Variants in TOX2 observed in about 807,000 individuals in gnomAD.
TOX2 encodes granulosa cell HMG box 1.
Under a neutral mutation model 47.4 loss-of-function variants are expected in TOX2, and 15 were observed. The observed-to-expected ratio is 0.32, with a 90% CI of 0.21 to 0.49. TOX2 has a LOEUF of 0.49. Ranked by LOEUF, TOX2 falls within the 20% of genes least tolerant of loss-of-function variation. The pLI is 0.99. For synonymous variants in TOX2, 290 were observed against 296.6 expected (o/e 0.98, Z 0.23); for missense variants, 622 against 673.1 (o/e 0.92, Z 0.84).
At chr20:43,982,914 A>AATAG (rs374928549) in intron 2 of TOX2, among the ~76,000 whole-genome samples, 30 of 151,760 alleles carry the variant, frequency 2.0e-4, no homozygotes, top group African/African-American at 6.8e-4. Flanking sequence ...AAGGCTGGGA[A>AATAG]ATAGGGTACT....
intron 1 of TOX2, chr20:43,955,407 A>T: frequency 3.0e-6 from 2 of 657,164 alleles, no homozygotes; most frequent in Non-Finnish European, 3.8e-6. Context: ...CTTCTTAGCC[A>T]CCTGGGGTTA....
Position 44,051,155 on chromosome 20 carries a change from TC to T in TOX2, c.412-149del, listed in dbSNP as rs1178268956. The T allele has an allele frequency of 4.9e-6, 6 of 1,234,566 alleles. No individual in the cohort carries two copies. In the Admixed American group the frequency reaches 1.5e-4, roughly 31 times the overall value. The allele number at this position is 1,234,566 out of a possible 1,614,324, so 76.5% of individuals were successfully genotyped here. On this transcript the variant is annotated intron_variant, in intron 3 of 8. Transcript: ENST00000341197. ...TACAGAGGTCCAAGTAGCATGAGGC[TC>T]CATCTTGAGATTCACCTGTCAGGGA...
intron 3 of TOX2, among the ~76,000 whole-genome samples, chr20:44,019,160 A>T (rs1336918116): frequency 1.3e-5 from 2 of 152,178 alleles, no homozygotes; most frequent in Non-Finnish European, 2.9e-5. Flanking sequence ...CTCTGTAAAC[A>T]CCTCAAACAT....
intron 3 of TOX2, among the ~76,000 whole-genome samples, chr20:44,020,686 T>C (rs1011903824): frequency 6.6e-6 from 1 of 152,122 alleles, no homozygotes; most frequent in African/African-American, 2.4e-5. Context: ...TCCCTAGACC[T>C]GGTGACTGGG....
intron 8 of TOX2, 135 bp from the exon 9 acceptor site, chr20:44,068,515 G>C: frequency 2.4e-6 from 2 of 844,638 alleles, no homozygotes; most frequent in African/African-American, 1.9e-5. Context: ...ACTTGCAGAT[G>C]CAAGTCCCTC....
At chr20:44,015,340 AAC>A (rs1233399137) in intron 3 of TOX2, among the ~76,000 whole-genome samples, 1 of 152,196 alleles carries the variant, frequency 6.6e-6, no homozygotes, top group Non-Finnish European at 1.5e-5. Flanking sequence ...TTTATTTTCA[AAC>A]ACTCCTGCAG....
At chr20:44,039,763 C>T (rs1252267724) in intron 3 of TOX2, among the ~76,000 whole-genome samples, 1 of 151,200 alleles carries the variant, frequency 6.6e-6, no homozygotes, top group Non-Finnish European at 1.5e-5. Context: ...AATCGTCCCA[C>T]TGAGGGGAGA....
chr20:43,946,171 G>A, intron 1 of TOX2: 1 of 1,374,920 alleles, frequency 7.3e-7, no homozygotes. Flanking sequence ...GAATGAAGAT[G>A]CTTTAGAGGG....
intron 1 of TOX2, among the ~76,000 whole-genome samples, chr20:43,948,113 T>C (rs1268857724): frequency 6.6e-6 from 1 of 152,186 alleles, no homozygotes; most frequent in Non-Finnish European, 1.5e-5. Flanking sequence ...TTGTTGGTGC[T>C]CAGTAAATAA....
intron 5 of TOX2, among the ~76,000 whole-genome samples, chr20:44,059,145 G>GA (rs2071673721): frequency 6.6e-6 from 1 of 152,140 alleles, no homozygotes; most frequent in African/African-American, 2.4e-5. Context: ...CATATGAATG[G>GA]AAAAATCTCC....
At chr20:44,022,169 C>T (rs2070986439) in intron 3 of TOX2, among the ~76,000 whole-genome samples, 1 of 152,206 alleles carries the variant, frequency 6.6e-6, no homozygotes, top group Non-Finnish European at 1.5e-5. Context: ...TTCTCTGTGC[C>T]CATGGCCCTG....
chr20:44,053,439 T>TATATACAC (rs373458500), intron 4 of TOX2, among the ~76,000 whole-genome samples: 139 of 143,138 alleles, frequency 9.7e-4, no homozygotes, highest in Middle Eastern at 3.6e-3. Context: ...GGCAGATATA[T>TATATACAC]ACACACACAC....
chr20:43,953,617 G>A (rs765944468), intron 1 of TOX2, among the ~76,000 whole-genome samples: 1 of 152,186 alleles, frequency 6.6e-6, no homozygotes, highest in Non-Finnish European at 1.5e-5. Context: ...CTGGGGAAAG[G>A]GCCCTGGCAT....
At chr20:44,022,197 A>C (rs1209303309) in intron 3 of TOX2, among the ~76,000 whole-genome samples, 2 of 152,162 alleles carry the variant, frequency 1.3e-5, no homozygotes, top group Non-Finnish European at 2.9e-5. Context: ...GGGGGTCAGC[A>C]CATTGCCAGA....
At chr20:44,059,491 C>T (rs1478910227) in intron 5 of TOX2, among the ~76,000 whole-genome samples, 1 of 152,138 alleles carries the variant, frequency 6.6e-6, no homozygotes, top group Non-Finnish European at 1.5e-5. Flanking sequence ...GAGATCTAGA[C>T]ATCCAAATAC....
At chr20:44,023,970 C>A (rs958621828) in intron 3 of TOX2, among the ~76,000 whole-genome samples, 1 of 152,226 alleles carries the variant, frequency 6.6e-6, no homozygotes, top group Admixed American at 6.5e-5. Context: ...CTTAGCCCGT[C>A]CCCTCTCTGA....
intron 1 of TOX2, among the ~76,000 whole-genome samples, chr20:43,934,679 C>A: frequency 6.6e-6 from 1 of 152,090 alleles, no homozygotes; most frequent in Admixed American, 6.6e-5. Context: ...GGCTTTGGGG[C>A]AGGCGTGATG....
Position 44,048,388 on chromosome 20 carries a change from T to TTTTATATA in TOX2, c.412-2917_412-2916insTTATATAT, listed in dbSNP as rs1555845973. Among the ~76,000 whole-genome samples the TTTTATATA allele has an allele frequency of 3.5e-5, 3 of 86,850 alleles. No individual in the cohort carries two copies. In the South Asian group the frequency reaches 1.0e-3, roughly 30 times the overall value. 57.0% of individuals were successfully genotyped at this position (86,850 alleles called of 152,430 possible). ...ATGTTAGTATCTGGATAAAATGAAT[T>TTTTATATA]TATATATATATATATATATATATAT... is the stretch of plus-strand genomic sequence containing the variant. On this transcript the variant is annotated intron_variant, in intron 3 of 8. Transcript: ENST00000341197.
chr20:44,012,875 C>T (rs140684114), intron 3 of TOX2, among the ~76,000 whole-genome samples: 88 of 152,316 alleles, frequency 5.8e-4, no homozygotes, highest in African/African-American at 2.0e-3. Flanking sequence ...TGTTCTAGGT[C>T]CCCGTCCCAA....
Sources: allele counts gnomAD v4.1 joint callset (sites outside exome capture counted in the v4.1 genomes callset), GRCh38; gene constraint gnomAD v4.1.1; transcripts MANE v1.5; gene names NCBI Gene and HGNC (gene_info 2026-07-23, HGNC 2026-07-21).